FBXO42: variants seen among roughly 807,000 people sequenced by gnomAD.
The protein encoded by FBXO42 is F-box only protein 42.
FBXO42 carries 12 observed loss-of-function variants against 71.7 expected under a neutral mutation model. The ratio of observed to expected loss-of-function variants is 0.17; its 90% CI spans 0.11 to 0.27. The LOEUF (loss-of-function observed/expected upper bound fraction) is 0.27. Ranked by LOEUF, FBXO42 falls within the 10% of genes least tolerant of loss-of-function variation. The probability of loss-of-function intolerance (pLI) is 1.00; values close to 1 mark genes in which losing one functional copy is unlikely to be tolerated. For missense variants in FBXO42, 707 were observed against 911.9 expected (o/e 0.78, Z 2.89); for synonymous variants, 325 against 327.5 (o/e 0.99, Z 0.08).
chr1:16,316,730 C>CAAAAAAA (rs71003274), intron 1 of FBXO42, among the ~76,000 whole-genome samples: 5 of 51,582 alleles, frequency 9.7e-5, no homozygotes, highest in African/African-American at 1.6e-4. Context: ...GAAAGACTCT[C>CAAAAAAA]AAAAAAAAAA....
chr1:16,344,486 C>CTTTTTTTTT (rs59077549), intron 1 of FBXO42, among the ~76,000 whole-genome samples: 6 of 87,146 alleles, frequency 6.9e-5, no homozygotes, highest in African/African-American at 1.8e-4. Context: ...ACCCAGCTAA[C>CTTTTTTTTT]TTTTTTTTTT....
At chr1:16,335,859 T>C (rs2082547550) in intron 1 of FBXO42, among the ~76,000 whole-genome samples, 1 of 137,846 alleles carries the variant, frequency 7.3e-6, no homozygotes, top group Non-Finnish European at 1.5e-5. Flanking sequence ...AGTGCGAGAC[T>C]CCATCGCGCC....
chr1:16,268,235 C>T lies in FBXO42; in HGVS notation c.503-11476G>A, dbSNP rs78610470. Among the ~76,000 whole-genome samples the T allele has an allele frequency of 7.5e-3, 1,143 of 152,166 alleles. 10 individuals are homozygous for T. The highest frequency in any genetic ancestry group is 0.026 in the African/African-American group (1,088 of 41,490). On this transcript the variant is annotated intron_variant, in intron 4 of 9. Transcript: ENST00000375592. ...TCAAAACAGAAAAATCCTTGTCAGC[C>T]CTGAGAGTGAGCCAAACTGAAATAT...
chr1:16,315,889 G>A (rs540358420), intron 1 of FBXO42, among the ~76,000 whole-genome samples: 3 of 151,958 alleles, frequency 2.0e-5, no homozygotes, highest in African/African-American at 4.8e-5. Flanking sequence ...ACCGTTTTTC[G>A]ACCAGGCATG....
At chr1:16,341,972 CAAAAA>C (rs56035222) in intron 1 of FBXO42, among the ~76,000 whole-genome samples, 2 of 99,890 alleles carry the variant, frequency 2.0e-5, no homozygotes, top group African/African-American at 7.9e-5. Flanking sequence ...ATTCCGTCTC[CAAAAA>C]AAAAAAAAAA....
chr1:16,305,846 G>A lies in FBXO42; in HGVS notation c.324C>T (p.Thr108=), dbSNP rs1312720042. The part of the protein sequence containing the change: ...QEGNIQWESR[T]YPYPGTPITQ... ...TGATTGGGGTTCCAGGATAAGGATA[G>A]GTACGGCTCTCCCACTGAATGTTTC... Residue 108 remains threonine, a synonymous_variant, in exon 3 of 10, where the codon ACC becomes ACT. Transcript: ENST00000375592. 6.2e-7 allele frequency: 1 copy of A among 1,614,100 alleles called. No homozygotes were observed. Among genetic ancestry groups the A allele is most frequent in the African/African-American group, 1.3e-5 (1 of 75,026 alleles).
chr1:16,348,558 C>T (rs1005476779), intron 1 of FBXO42, among the ~76,000 whole-genome samples: 8 of 151,958 alleles, frequency 5.3e-5, no homozygotes, highest in African/African-American at 1.7e-4. Context: ...AAAAATTAGC[C>T]GGGCGTGGGG....
chr1:16,324,594 G>C (rs2082435558), intron 1 of FBXO42, among the ~76,000 whole-genome samples: 2 of 152,320 alleles, frequency 1.3e-5, no homozygotes, highest in South Asian at 4.1e-4. Context: ...AAAGCAGGCA[G>C]AAAACTTGAG....
intron 1 of FBXO42, among the ~76,000 whole-genome samples, chr1:16,331,645 T>C (rs2082502216): frequency 6.6e-6 from 1 of 150,514 alleles, no homozygotes; most frequent in Non-Finnish European, 1.5e-5. Context: ...ATCCCAGCTA[T>C]TCAGAGGCTG....
chr1:16,295,281 G>A (rs1457202652), intron 3 of FBXO42, among the ~76,000 whole-genome samples: 1 of 152,106 alleles, frequency 6.6e-6, no homozygotes, highest in Admixed American at 6.5e-5. Context: ...GCTAAGCAAA[G>A]GTATGCCAAC....
chr1:16,263,408 A>C (rs2081735757), intron 4 of FBXO42, among the ~76,000 whole-genome samples: 1 of 151,922 alleles, frequency 6.6e-6, no homozygotes. Context: ...ACGTCACTGC[A>C]CTCCAGCCTG....
At chr1:16,307,257 A>AG (rs2082261077) in intron 2 of FBXO42, among the ~76,000 whole-genome samples, 1 of 152,132 alleles carries the variant, frequency 6.6e-6, no homozygotes, top group Non-Finnish European at 1.5e-5. Flanking sequence ...CCAGTGCTTT[A>AG]GGAAGCCAAA....
At chr1:16,254,019 C>G (rs900629174) in intron 6 of FBXO42, among the ~76,000 whole-genome samples, 1 of 152,192 alleles carries the variant, frequency 6.6e-6, no homozygotes, top group African/African-American at 2.4e-5. Flanking sequence ...TTACTACTGT[C>G]TGAGGAGCTG....
At chr1:16,326,014 T>TTGTGTGTGTG (rs34752325) in intron 1 of FBXO42, among the ~76,000 whole-genome samples, 3,612 of 137,446 alleles carry the variant, frequency 0.026, 92 homozygotes, top group African/African-American at 0.049. Context: ...GTGCCCAAAT[T>TTGTGTGTGTG]TGTGTGTGTG....
At chr1:16,263,904 A>G (rs1040365845) in intron 4 of FBXO42, among the ~76,000 whole-genome samples, 1 of 141,678 alleles carries the variant, frequency 7.1e-6, no homozygotes, top group African/African-American at 2.6e-5. Flanking sequence ...TCCACCTCCC[A>G]GGTTCAAGCG....
At chr1:16,270,366 T>C (rs1391091196) in intron 4 of FBXO42, among the ~76,000 whole-genome samples, 1 of 152,134 alleles carries the variant, frequency 6.6e-6, no homozygotes, top group Non-Finnish European at 1.5e-5. Context: ...GTGTCTCTGC[T>C]AGATGGAGTT....
intron 1 of FBXO42, among the ~76,000 whole-genome samples, chr1:16,334,162 G>A (rs113318623): frequency 1.3e-5 from 2 of 152,022 alleles, no homozygotes; most frequent in Non-Finnish European, 2.9e-5. Context: ...GGCCGGGCCC[G>A]GTGGCTCACG....
chr1:16,259,186 G>A (rs1034542715), intron 4 of FBXO42, among the ~76,000 whole-genome samples: 3 of 152,148 alleles, frequency 2.0e-5, no homozygotes, highest in African/African-American at 7.2e-5. Flanking sequence ...ACCTCCCCAA[G>A]GGGATCTATC....
At chr1:16,341,164 A>G (rs977151986) in intron 1 of FBXO42, among the ~76,000 whole-genome samples, 1 of 152,196 alleles carries the variant, frequency 6.6e-6, no homozygotes, top group African/African-American at 2.4e-5. Flanking sequence ...TGCATAAGAG[A>G]AAAAAAGAAT....
Sources: gnomAD v4.1 joint callset for allele counts (sites outside exome capture counted in the v4.1 genomes callset) on GRCh38, gnomAD v4.1.1 for gene constraint, MANE v1.5 for transcripts, NCBI Gene and HGNC (gene_info 2026-07-23, HGNC 2026-07-21) for gene names.